Variants in SHANK2 observed in about 807,000 individuals in gnomAD.
The protein encoded by SHANK2 is SH3 and multiple ankyrin repeat domains 2.
Under a neutral mutation model 133.7 loss-of-function variants are expected in SHANK2, and 43 were observed. That is an observed-to-expected ratio of 0.32 (90% CI 0.25 to 0.41). The LOEUF is 0.41. Among genes scored for constraint, SHANK2 ranks in the 10% least tolerant of loss-of-function variants. The pLI, the probability that SHANK2 is intolerant of heterozygous loss-of-function variation, is 1.00. For synonymous variants in SHANK2, 1,017 were observed against 952.8 expected (o/e 1.07, Z -1.24); for missense variants, 1,994 against 2,235.8 (o/e 0.89, Z 2.18).
intron 10 of SHANK2, among the ~76,000 whole-genome samples, chr11:70,914,060 G>A (rs781905500): frequency 6.6e-6 from 1 of 152,188 alleles, no homozygotes; most frequent in Non-Finnish European, 1.5e-5. Flanking sequence ...GAACAGGGCG[G>A]CGGTGGGGGA....
intron 3 of SHANK2, 138 bp downstream of exon 3, chr11:71,146,982 T>A: frequency 1.5e-6 from 1 of 675,846 alleles, no homozygotes; most frequent in Admixed American, 3.1e-5. Context: ...GGGGCAGAAG[T>A]ATGGAGCGAG....
At chr11:70,586,407 T>C (rs542960334) in intron 17 of SHANK2, among the ~76,000 whole-genome samples, 46 of 151,874 alleles carry the variant, frequency 3.0e-4, no homozygotes, top group African/African-American at 1.1e-3. Context: ...ATGAGGGAGG[T>C]TCTGGGGCCG....
intron 21 of SHANK2, among the ~76,000 whole-genome samples, chr11:70,494,868 C>T (rs981971549): frequency 6.6e-6 from 1 of 152,224 alleles, no homozygotes; most frequent in Admixed American, 6.5e-5. Flanking sequence ...GGCCTGCAGG[C>T]TCACTGGGCC....
At chr11:70,944,407 G>T (rs1433272781) in intron 10 of SHANK2, among the ~76,000 whole-genome samples, 1 of 152,194 alleles carries the variant, frequency 6.6e-6, no homozygotes, top group Non-Finnish European at 1.5e-5. Flanking sequence ...CCCTCTCTGG[G>T]TGAAGCTCCT....
chr11:70,583,404 G>A (rs11236736), intron 17 of SHANK2, among the ~76,000 whole-genome samples: 14,896 of 152,214 alleles, frequency 0.098, 1,011 homozygotes, highest in Non-Finnish European at 0.14. Flanking sequence ...ACAGTGCCCT[G>A]ATCTTCGGGG....
At chr11:70,641,128 CT>C (rs1655033498) in intron 17 of SHANK2, among the ~76,000 whole-genome samples, 1 of 141,524 alleles carries the variant, frequency 7.1e-6, no homozygotes, top group African/African-American at 2.6e-5. Flanking sequence ...CGAAGTCTTG[CT>C]GTGTTGCCCA....
Position 70,884,167 on chromosome 11 carries a change from C to T in SHANK2, c.1174+12334G>A, listed in dbSNP as rs73525325. On this transcript the variant is annotated intron_variant, in intron 11 of 25. Coordinates refer to ENST00000601538, the MANE Select transcript of SHANK2 (RefSeq NM_012309.5). ...CTGTGAATGCCCGAGTAGTGTTTCC[C>T]ACCAGGCTGGCATCCACCCCACCAG... is the stretch of plus-strand genomic sequence containing the variant. 5.7e-3 allele frequency among the ~76,000 whole-genome samples: 872 copies of T among 152,336 alleles called. 8 individuals are homozygous for T. Among genetic ancestry groups the T allele is most frequent in the African/African-American group, 0.021 (853 of 41,584 alleles).
At chr11:70,604,953 C>T (rs887033938) in intron 17 of SHANK2, 2 of 153,026 alleles carry the variant, frequency 1.3e-5, no homozygotes, top group South Asian at 2.1e-4. Context: ...GTGTGAGTCA[C>T]AAGGCAGGTT....
At chr11:71,191,172 A>C (rs1953785035) in intron 2 of SHANK2, among the ~76,000 whole-genome samples, 1 of 151,992 alleles carries the variant, frequency 6.6e-6, no homozygotes. Context: ...CCTTGTCTAA[A>C]GAAAAAAGAA....
chr11:70,816,180 C>T (rs1181417574), intron 12 of SHANK2, among the ~76,000 whole-genome samples: 1 of 152,248 alleles, frequency 6.6e-6, no homozygotes, highest in Non-Finnish European at 1.5e-5. Context: ...CAGTGCAGGC[C>T]AGGTGCTGAA....
chr11:70,632,575 T>C (rs782333724), intron 17 of SHANK2, among the ~76,000 whole-genome samples: 1 of 152,012 alleles, frequency 6.6e-6, no homozygotes, highest in South Asian at 2.1e-4. Context: ...AGAACCGCCT[T>C]TTACAACAGA....
Position 70,768,821 on chromosome 11 carries a change from G to A in SHANK2, c.1777+29622C>T, listed in dbSNP as rs571080935. ...CAAGGACTTGGCTGCTGAGGCCTTGGCTCTGGCTCCTGGCTTCCAAGGTTC... is the reference window on the plus strand; with the variant it reads ...CAAGGACTTGGCTGCTGAGGCCTTGACTCTGGCTCCTGGCTTCCAAGGTTC... On this transcript the variant is annotated intron_variant, in intron 14 of 25. Coordinates refer to ENST00000601538, the MANE Select transcript of SHANK2 (RefSeq NM_012309.5). Among the ~76,000 whole-genome samples the A allele has an allele frequency of 8.9e-4, 135 of 152,232 alleles. 3 individuals carry two copies. The South Asian group carries it at 0.027, about 31-fold the overall frequency.
intron 11 of SHANK2, among the ~76,000 whole-genome samples, chr11:70,856,062 G>C (rs1949165797): frequency 6.6e-6 from 1 of 152,036 alleles, no homozygotes; most frequent in African/African-American, 2.4e-5. Context: ...TGAGTGAATG[G>C]GTGGGTGGGT....
intron 11 of SHANK2, among the ~76,000 whole-genome samples, chr11:70,889,612 A>G (rs530497): frequency 0.91 from 138,126 of 151,976 alleles, 63,588 homozygotes; most frequent in Non-Finnish European, 0.98. Context: ...GTTCCAGAGG[A>G]ACCCTCGACC....
intron 2 of SHANK2, among the ~76,000 whole-genome samples, chr11:71,217,518 A>G (rs2135714820): frequency 6.6e-6 from 1 of 152,090 alleles, no homozygotes; most frequent in African/African-American, 2.4e-5. Context: ...AAAAAAAAGT[A>G]AACTGTAAAA....
At chr11:70,808,561 CA>C (rs57089863) in intron 12 of SHANK2, among the ~76,000 whole-genome samples, 5,328 of 93,030 alleles carry the variant, frequency 0.057, 114 homozygotes, top group Middle Eastern at 0.14. Context: ...CCTATTTCTA[CA>C]AAAAAAAAAA....
intron 2 of SHANK2, among the ~76,000 whole-genome samples, chr11:71,218,747 C>T (rs1308221875): frequency 6.6e-6 from 1 of 152,162 alleles, no homozygotes. Context: ...TCCAATGACC[C>T]CTGAACCAGA....
chr11:70,698,768 A>G lies in SHANK2; in HGVS notation c.1778-5T>C, dbSNP rs781814804. 4 of 718,600 alleles carry G rather than the reference A, an allele frequency of 5.6e-6. No individual in the cohort carries two copies. The highest frequency in any genetic ancestry group is 1.0e-5 in the Non-Finnish European group (4 of 385,092). 44.5% of individuals were successfully genotyped at this position (718,600 alleles called of 1,614,324 possible). A position where few individuals can be genotyped will look rare whatever the true frequency, so the allele number is the denominator to read the frequency against. ...TGCTGCGGTCAGCGCGGGTTTCTGT[A>G]CAGAGAGGGAAGAGAAACACCATTC... On this transcript the variant is annotated splice_region_variant and splice_polypyrimidine_tract_variant and intron_variant, in intron 14 of 25. Coordinates refer to ENST00000601538, the MANE Select transcript of SHANK2 (RefSeq NM_012309.5).
intron 9 of SHANK2, among the ~76,000 whole-genome samples, chr11:71,067,010 C>T (rs1203453027): frequency 2.0e-5 from 3 of 152,210 alleles, no homozygotes; most frequent in South Asian, 2.1e-4. Context: ...CATTTACTAA[C>T]GGAGCGGCCT....
Sources: allele counts gnomAD v4.1 joint callset (sites outside exome capture counted in the v4.1 genomes callset), GRCh38; gene constraint gnomAD v4.1.1; transcripts MANE v1.5; gene names NCBI Gene and HGNC (gene_info 2026-07-23, HGNC 2026-07-21).